The following USP6 variants were observed in gnomAD, a reference collection of about 807,000 sequenced individuals.
USP6 encodes ubiquitin carboxyl-terminal hydrolase 6.
In USP6, 128 loss-of-function variants were observed where a neutral mutation model predicts 175.7. That is an observed-to-expected ratio of 0.73 (90% CI 0.63 to 0.84). USP6 has a LOEUF of 0.84. Ranked by LOEUF, USP6 falls within the 40% of genes least tolerant of loss-of-function variation. The probability of loss-of-function intolerance (pLI) is 0.00; values close to 1 mark genes in which losing one functional copy is unlikely to be tolerated. For synonymous variants in USP6, 562 were observed against 630.6 expected (o/e 0.89, Z 1.63); for missense variants, 1,498 against 1,760.3 (o/e 0.85, Z 2.67).
In USP6 at chr17:5,162,975, C is replaced by A; in HGVS notation, c.3007C>A (p.His1003Asn). The change falls in exon 33 of 38, where the codon CAC becomes AAC. Residue 1003 changes from histidine to asparagine, a missense_variant. His to Asn is a moderately conservative substitution (Grantham distance 68, BLOSUM62 1). Coordinates refer to ENST00000574788, the MANE Select transcript of USP6 (RefSeq NM_001304284.2). ...IAVDWHPTALHLRYQTSQERV... is the reference protein window; with the variant it reads ...IAVDWHPTALNLRYQTSQERV... The stretch of plus-strand genomic sequence containing the variant: ...TGTGGATTGGCACCCCACAGCCCTT[C>A]ACCTTCGCTATCAAACATCCCAGGA... 1.3e-6 allele frequency: 2 copies of A among 1,592,958 alleles called. No homozygotes were observed. The highest frequency in any genetic ancestry group is 1.7e-6 in the Non-Finnish European group (2 of 1,174,870).
chr17:5,138,891 G>A (rs1444590378), intron 21 of USP6: 3 of 891,040 alleles, frequency 3.4e-6, no homozygotes, highest in Admixed American at 2.4e-5. Flanking sequence ...GCGGAGACAG[G>A]TCCCCATGTG....
At position 5,168,828 on chromosome 17, in the gene USP6, T is replaced by A. The variant is rs370955574; in HGVS notation, c.3290T>A (p.Val1097Asp). 114 of 1,611,098 alleles carry A rather than the reference T, an allele frequency of 7.1e-5. No homozygotes were observed. The highest frequency in any genetic ancestry group is 9.5e-5 in the Non-Finnish European group (112 of 1,178,972). ...NDQWIKSQKI[V>D]RFLRESFDPS... is the part of the protein sequence containing the mutation. ...CAGTGGATAAAATCACAGAAAATTG[T>A]CAGATTTCTTCGGGAAAGTTTTGAT... Residue 1097 changes from valine to aspartate, a missense_variant, in exon 35 of 38, where the codon GTC becomes GAC. Coordinates refer to ENST00000574788, the MANE Select transcript of USP6 (RefSeq NM_001304284.2).
intron 6 of USP6, among the ~76,000 whole-genome samples, chr17:5,127,199 A>G (rs1170030658): frequency 6.6e-6 from 1 of 151,098 alleles, no homozygotes; most frequent in Non-Finnish European, 1.5e-5. Context: ...GTCTCCCAGG[A>G]TCCAAGAACT....
intron 33 of USP6, among the ~76,000 whole-genome samples, chr17:5,167,171 C>T (rs1232661583): frequency 6.6e-6 from 1 of 152,096 alleles, no homozygotes; most frequent in Non-Finnish European, 1.5e-5. Flanking sequence ...TTTTCTGTGC[C>T]CTCATTTCAT....
At chr17:5,140,670 T>G (rs570491615) in intron 22 of USP6, among the ~76,000 whole-genome samples, 2 of 152,336 alleles carry the variant, frequency 1.3e-5, no homozygotes, top group East Asian at 3.9e-4. Flanking sequence ...ATTGTCCCAT[T>G]TTCGCCTAAC....
At chr17:5,149,446 C>T (rs1434713866) in intron 30 of USP6, among the ~76,000 whole-genome samples, 1 of 152,014 alleles carries the variant, frequency 6.6e-6, no homozygotes, top group Non-Finnish European at 1.5e-5. Flanking sequence ...ATCTCCTAAG[C>T]CAGACATGTT....
rs555495112 is a variant in USP6, at chr17:5,171,641, A to G, written c.4009A>G (p.Asn1337Asp). 33 of 1,613,852 alleles carry G rather than the reference A, an allele frequency of 2.0e-5. No individual in the cohort carries two copies. Among genetic ancestry groups the G allele is most frequent in the African/African-American group, 2.7e-5 (2 of 75,036 alleles). The change falls in exon 37 of 38, where the codon AAC (asparagine) becomes GAC (aspartate). Residue 1337 changes from asparagine to aspartate, a missense_variant. This residue lies in a region of USP6 where 1,217 missense variants were observed against 1,500.8 expected (regional missense o/e 0.81). Transcript: ENST00000574788. ...GHYITYAKNP[N>D]CKWYCYNDSS... ...TTACATCACTTATGCCAAAAACCCA[A>G]ACTGCAAGTGGTACTGTTATAATGA...
chr17:5,145,650 A>G, intron 27 of USP6, 71 bp downstream of exon 27: 1 of 1,478,334 alleles, frequency 6.8e-7, no homozygotes, highest in Non-Finnish European at 9.0e-7. Flanking sequence ...CTGAATTTGT[A>G]AGCATAGTTA....
intron 30 of USP6, among the ~76,000 whole-genome samples, chr17:5,151,805 C>T (rs1376073473): frequency 6.6e-6 from 1 of 152,162 alleles, no homozygotes; most frequent in Non-Finnish European, 1.5e-5. Flanking sequence ...AACTTGGCAC[C>T]TACCTTTCGC....
chr17:5,162,129 C>T (rs868089151), intron 32 of USP6, among the ~76,000 whole-genome samples: 3 of 152,106 alleles, frequency 2.0e-5, no homozygotes, highest in Non-Finnish European at 4.4e-5. Flanking sequence ...ACATTTATTA[C>T]TCTATAAATT....
chr17:5,161,732 G>T lies in USP6; in HGVS notation c.2915+118G>T, dbSNP rs1467772436. 1.7e-5 allele frequency: 20 copies of T among 1,191,788 alleles called. No homozygotes were observed. The East Asian group carries it at 5.2e-4, about 31-fold the overall frequency. 73.8% of individuals were successfully genotyped at this position (1,191,788 alleles called of 1,614,324 possible). A position where few individuals can be genotyped will look rare whatever the true frequency, so the allele number is the denominator to read the frequency against. On this transcript the variant is annotated intron_variant, in intron 32 of 37. Transcript: ENST00000574788. ...GTGAATAATGAGAAACTTAAGAACTGTGGCTGGGCACCATGGCTCAGGCCT... is the reference window on the plus strand; with the variant it reads ...GTGAATAATGAGAAACTTAAGAACTTTGGCTGGGCACCATGGCTCAGGCCT...
rs1213638327 is a variant in USP6 at position 5,170,374 on chromosome 17, A to T, written c.3518-105A>T. On this transcript the variant is annotated intron_variant, in intron 35 of 37. Transcript: ENST00000574788. ...AGCCAGTCATGACTCCCCTGTCTTT[A>T]CCTTTGTGTGTACAGTTGCAAAGCT... 2.0e-6 allele frequency: 3 copies of T among 1,493,586 alleles called. No homozygotes were observed. In the Admixed American group the frequency reaches 7.1e-5, roughly 35 times the overall value. 92.5% of individuals were successfully genotyped at this position (1,493,586 alleles called of 1,614,324 possible).
At chr17:5,139,149 C>G (rs1428174432) in intron 21 of USP6, 106 bp from the exon 22 acceptor site, 1 of 1,597,806 alleles carries the variant, frequency 6.3e-7, no homozygotes, top group Non-Finnish European at 8.5e-7. Flanking sequence ...CCACAGGGGC[C>G]ACACAGAGAC....
At chr17:5,145,815 C>T (rs976546543) in intron 27 of USP6, among the ~76,000 whole-genome samples, 1 of 152,108 alleles carries the variant, frequency 6.6e-6, no homozygotes, top group Non-Finnish European at 1.5e-5. Flanking sequence ...GCCACTCACA[C>T]TTTTATGTCA....
Position 5,146,289 on chromosome 17 carries a change from G to A in USP6, c.2319+115G>A, listed in dbSNP as rs376765214. 1.3e-3 allele frequency: 1,805 copies of A among 1,361,802 alleles called. 43 individuals are homozygous for A. The South Asian group carries it at 0.03, about 23-fold the overall frequency. The allele number at this position is 1,361,802 out of a possible 1,614,324, so 84.4% of individuals were successfully genotyped here. On this transcript the variant is annotated intron_variant, in intron 28 of 37. Transcript: ENST00000574788. Reference sequence around the variant, plus strand: ...ACCAAGAGAGATACTAAAACATAACGAAAACTGAACAACAACAAAAAATGC... The same window carrying A: ...ACCAAGAGAGATACTAAAACATAACAAAAACTGAACAACAACAAAAAATGC...
intron 30 of USP6, among the ~76,000 whole-genome samples, chr17:5,153,935 T>G (rs2144065752): frequency 6.6e-6 from 1 of 152,382 alleles, no homozygotes; most frequent in East Asian, 1.9e-4. Context: ...ATTATAGGCA[T>G]GAGCCACTGC....
chr17:5,147,527 C>A (rs182921809), intron 29 of USP6, among the ~76,000 whole-genome samples: 43 of 152,160 alleles, frequency 2.8e-4, no homozygotes, highest in African/African-American at 1.0e-3. Context: ...AGAAAGAAAT[C>A]CAATATTATA....
At chr17:5,128,462 C>A (rs2072959327) in intron 7 of USP6, 1 of 152,234 alleles carries the variant, frequency 6.6e-6, no homozygotes, top group Non-Finnish European at 1.5e-5. Context: ...CACTTCCCTC[C>A]ACTCCTATGT....
chr17:5,132,891 A>G lies in USP6; in HGVS notation c.196-19A>G, dbSNP rs373459119. 1.1e-5 allele frequency: 17 copies of G among 1,613,976 alleles called. No individual in the cohort carries two copies. In the South Asian group the frequency reaches 1.2e-4, roughly 11 times the overall value. ...GAAGCCTGGCAGCTCCACTAACTCC[A>G]ACATGCCTCATTTGACAGAAAATTC... On this transcript the variant is annotated intron_variant, in intron 12 of 37. Coordinates refer to ENST00000574788, the MANE Select transcript of USP6 (RefSeq NM_001304284.2). The surrounding 1 kb of genome is among the most constrained non-coding windows in gnomAD (Gnocchi z 4.7).
Sources: gnomAD v4.1 joint callset for allele counts (sites outside exome capture counted in the v4.1 genomes callset) on GRCh38, gnomAD v4.1.1 for gene constraint, gnomAD v4.1.1 regional missense constraint, Gnocchi (gnomAD v3.1) non-coding constraint, MANE v1.5 for transcripts, NCBI Gene and HGNC (gene_info 2026-07-23, HGNC 2026-07-21) for gene names.